The following MMP10 variants were observed in gnomAD, a reference collection of about 807,000 sequenced individuals.
The protein encoded by MMP10 is stromelysin-2.
Under a neutral mutation model 49.1 loss-of-function variants are expected in MMP10, and 50 were observed. That is an observed-to-expected ratio of 1.02 (90% CI 0.81 to 1.29). The LOEUF (loss-of-function observed/expected upper bound fraction) is 1.29, where lower values mean the gene tolerates loss of function less well. MMP10 is among the 50% of genes most tolerant of loss of function. MMP10 has a pLI of 0.00. For synonymous variants in MMP10, 229 were observed against 201.6 expected (o/e 1.14, Z -1.15); for missense variants, 613 against 563.8 (o/e 1.09, Z -0.88).
At chr11:102,774,160 A>G (rs1402532588) in intron 7 of MMP10, among the ~76,000 whole-genome samples, 2 of 152,230 alleles carry the variant, frequency 1.3e-5, no homozygotes, top group African/African-American at 2.4e-5. Context: ...TAAAGAATTA[A>G]AATTGAACAA....
Position 102,780,606 on chromosome 11 carries a change from CCTT to C in MMP10, c.-18_-16del. 6.2e-7 allele frequency: 1 copy of C among 1,609,906 alleles called. No homozygotes were observed. The highest frequency in any genetic ancestry group is 1.1e-5 in the South Asian group (1 of 90,386). ...AGATGCATCATTCTCACTGCCCTTA[CCTT>C]CTTTGTCTACTGGGCTTCTAGCTCT... On this transcript the variant is annotated 5_prime_UTR_variant, in exon 1 of 10. Coordinates refer to ENST00000279441, the MANE Select transcript of MMP10 (RefSeq NM_002425.3).
At chr11:102,771,179 C>T (rs564695825) in intron 9 of MMP10, among the ~76,000 whole-genome samples, 57 of 152,256 alleles carry the variant, frequency 3.7e-4, no homozygotes, top group Non-Finnish European at 6.2e-4. Context: ...CATCTGACTC[C>T]AAAGGAAGTG....
chr11:102,776,581 T>C (rs369940665), intron 5 of MMP10, 31 bp downstream of exon 5: 23 of 1,600,296 alleles, frequency 1.4e-5, no homozygotes, highest in Admixed American at 1.4e-4. Context: ...ATTGTAGATC[T>C]GCAATGCCTA....
At chr11:102,774,190 G>A (rs998696371) in intron 7 of MMP10, among the ~76,000 whole-genome samples, 6 of 152,088 alleles carry the variant, frequency 3.9e-5, no homozygotes, top group African/African-American at 7.2e-5. Flanking sequence ...ACTGCATATC[G>A]AAATTTGCTG....
At chr11:102,776,456 T>TAA in intron 5 of MMP10, 32 bp from the exon 6 acceptor site, 2 of 1,536,300 alleles carry the variant, frequency 1.3e-6, no homozygotes, top group Non-Finnish European at 1.8e-6. Flanking sequence ...ATGCAAACAT[T>TAA]AAAAAAAAAT....
chr11:102,775,294 G>C lies in MMP10; in HGVS notation c.960C>G (p.Asn320Lys), dbSNP rs1308876689. 6.2e-7 allele frequency: 1 copy of C among 1,609,518 alleles called. No individual in the cohort carries two copies. Among genetic ancestry groups the C allele is most frequent in the Non-Finnish European group, 8.5e-7 (1 of 1,177,598 alleles). The change falls in exon 7 of 10, where the codon AAC becomes AAG. Residue 320 changes from asparagine to lysine, a missense_variant. Transcript: ENST00000279441. Reference protein sequence around the residue: ...DRYFWRRSHWNPEPEFHLISA... With the variant: ...DRYFWRRSHWKPEPEFHLISA... ...AAATCAAATGAAATTCAGGTTCAGG[G>C]TTCCAGTGGGATCTTCGCCAAAAAT... is the stretch of plus-strand genomic sequence containing the variant.
Position 102,772,299 on chromosome 11 carries a change from C to T in MMP10, c.1227-184G>A, listed in dbSNP as rs945025462. On this transcript the variant is annotated intron_variant, in intron 8 of 9. Coordinates refer to ENST00000279441, the MANE Select transcript of MMP10 (RefSeq NM_002425.3). The surrounding 1 kb of genome is among the most constrained non-coding windows in gnomAD (Gnocchi z 4.4). The stretch of plus-strand genomic sequence containing the variant: ...CTTTCCTGGGCTTACAAGTTTAACA[C>T]ATAAAACAATATTTTCCAGAAACAG... Among the ~76,000 whole-genome samples, 1 of 152,124 alleles carries T rather than the reference C, an allele frequency of 6.6e-6. No individual in the cohort carries two copies. Among genetic ancestry groups the T allele is most frequent in the Admixed American group, 6.5e-5 (1 of 15,280 alleles).
At chr11:102,771,008 C>G in intron 9 of MMP10, 115 bp from the exon 10 acceptor site, 1 of 671,388 alleles carries the variant, frequency 1.5e-6, no homozygotes. Flanking sequence ...AGTGATTACT[C>G]TATGCCAAGC....
chr11:102,774,271 A>G (rs1444541898), intron 7 of MMP10, among the ~76,000 whole-genome samples: 1 of 152,208 alleles, frequency 6.6e-6, no homozygotes, highest in Non-Finnish European at 1.5e-5. Flanking sequence ...TTACAAGTTA[A>G]TAAGGTAAGT....
chr11:102,777,600 G>A (rs1232074511), intron 4 of MMP10, among the ~76,000 whole-genome samples: 1 of 152,058 alleles, frequency 6.6e-6, no homozygotes, highest in Non-Finnish European at 1.5e-5. Flanking sequence ...CCAGTAATAG[G>A]TGCCATTGGA....
intron 6 of MMP10, among the ~76,000 whole-genome samples, chr11:102,775,871 T>A (rs1385890228): frequency 1.3e-5 from 2 of 152,024 alleles, no homozygotes; most frequent in African/African-American, 2.4e-5. Flanking sequence ...TATGATATTT[T>A]AAAAAAATGA....
chr11:102,777,237 T>G (rs1367366824), intron 4 of MMP10, among the ~76,000 whole-genome samples: 1 of 152,176 alleles, frequency 6.6e-6, no homozygotes, highest in East Asian at 1.9e-4. Context: ...GCCAGAAGAC[T>G]GTGGTTATTT....
At position 102,772,941 on chromosome 11, in the gene MMP10, G is replaced by A. The variant is rs774227794; in HGVS notation, c.1132C>T (p.Leu378=). The change falls in exon 8 of 10, where the codon CTG becomes TTG. Residue 378 remains leucine (L), a synonymous_variant. Transcript: ENST00000279441. The surrounding 1 kb of genome is among the most constrained non-coding windows in gnomAD (Gnocchi z 4.4). The part of the protein sequence containing the change: ...QAGYPRGIHT[L]GFPPTIRKID... ...TTCCTTATGGTTGGAGGAAAACCCA[G>A]GGTATGGATGCCTCTTGGATAACCT... 1.2e-5 allele frequency: 20 copies of A among 1,613,620 alleles called. 1 individual carries two copies. In the South Asian group the frequency reaches 2.2e-4, roughly 18 times the overall value.
rs771122580 is a variant in MMP10, at chr11:102,779,316, A to G, written c.393T>C (p.Ser131=). 6.2e-7 allele frequency: 1 copy of G among 1,614,202 alleles called. No homozygotes were observed. The highest frequency in any genetic ancestry group is 8.5e-7 in the Non-Finnish European group (1 of 1,180,022). ...TPDLPRDAVD[S]AIEKALKVWE... ...AGACTTTCAGAGCTTTCTCAATGGC[A>G]GAATCAACAGCATCTCTTGGCAAAT... Residue 131 remains serine, a synonymous_variant, in exon 3 of 10, where the codon TCT becomes TCC. Transcript: ENST00000279441.
Position 102,779,880 on chromosome 11 carries a change from A to G in MMP10, c.106-135T>C, listed in dbSNP as rs148882178. On this transcript the variant is annotated intron_variant, in intron 1 of 9. Coordinates refer to ENST00000279441, the MANE Select transcript of MMP10 (RefSeq NM_002425.3). Reference sequence around the variant, plus strand: ...ACATTTAATTTGATTTTTCATTAAGACTCCCCATTTCATACAAATTTTTAA... The same window carrying G: ...ACATTTAATTTGATTTTTCATTAAGGCTCCCCATTTCATACAAATTTTTAA... 1.7e-5 allele frequency: 17 copies of G among 1,003,550 alleles called. No individual in the cohort carries two copies. The African/African-American group carries it at 2.1e-4, about 12-fold the overall frequency. 62.2% of individuals were successfully genotyped at this position (1,003,550 alleles called of 1,614,324 possible).
Position 102,776,562 on chromosome 11 carries a change from A to T in MMP10, c.787+50T>A, listed in dbSNP as rs747204437. 3 of 1,588,226 alleles carry T rather than the reference A, an allele frequency of 1.9e-6. No individual in the cohort carries two copies. In the East Asian group the frequency reaches 6.7e-5, roughly 36 times the overall value. ...TAGGTAGCACTGGAAAGCTTTCTGG[A>T]GGACTGTCATTGTAGATCTGCAATG... On this transcript the variant is annotated intron_variant, in intron 5 of 9. Coordinates refer to ENST00000279441, the MANE Select transcript of MMP10 (RefSeq NM_002425.3).
chr11:102,779,686 G>T lies in MMP10; in HGVS notation c.165C>A (p.Asp55Glu), dbSNP rs1385766915. 6.2e-7 allele frequency: 1 copy of T among 1,613,806 alleles called. No homozygotes were observed. Among genetic ancestry groups the T allele is most frequent in the Non-Finnish European group, 8.5e-7 (1 of 1,179,978 alleles). The change falls in exon 2 of 10, where the codon GAC becomes GAA. Residue 55 changes from aspartate (D) to glutamate (E), a missense_variant. By Grantham distance (45) the Asp-to-Glu change is conservative (BLOSUM62 2). Coordinates refer to ENST00000279441, the MANE Select transcript of MMP10 (RefSeq NM_002425.3). ...EKDVKQFRRKDSNLIVKKIQG... is the reference protein window; with the variant it reads ...EKDVKQFRRKESNLIVKKIQG... ...GGATTTTTTTAACAATGAGATTACT[G>T]TCCTTTCTTCTAAACTGTTTCACAT...
chr11:102,771,161 C>A (rs1000581070), intron 9 of MMP10, among the ~76,000 whole-genome samples: 1 of 152,194 alleles, frequency 6.6e-6, no homozygotes, highest in African/African-American at 2.4e-5. Context: ...GGAGGGAGGA[C>A]TCCATCTCAT....
At position 102,775,267 on chromosome 11, in the gene MMP10, A is replaced by G. The variant is rs369297931; in HGVS notation, c.987T>C (p.Ser329=). 1.7e-5 allele frequency: 27 copies of G among 1,609,878 alleles called. No individual in the cohort carries two copies. Among genetic ancestry groups the G allele is most frequent in the Non-Finnish European group, 2.3e-5 (27 of 1,177,758 alleles). ...WNPEPEFHLI[S]AFWPSLPSYL... ...ATGATGGAAGAGAGGGCCAAAATGC[A>G]GAAATCAAATGAAATTCAGGTTCAG... The change falls in exon 7 of 10, where the codon TCT becomes TCC. Residue 329 remains serine (S), a synonymous_variant. Transcript: ENST00000279441.
Sources: allele counts gnomAD v4.1 joint callset (sites outside exome capture counted in the v4.1 genomes callset), GRCh38; gene constraint gnomAD v4.1.1; non-coding constraint Gnocchi (gnomAD v3.1); transcripts MANE v1.5; gene names NCBI Gene and HGNC (gene_info 2026-07-23, HGNC 2026-07-21).